The following GALNT13 variants were observed in gnomAD, a reference collection of about 807,000 sequenced individuals.
GALNT13 encodes UDP-GalNAc:polypeptide N-acetylgalactosaminyltransferase 13.
GALNT13 carries 28 observed loss-of-function variants against 64.2 expected under a neutral mutation model. The ratio of observed to expected loss-of-function variants is 0.44; its 90% confidence interval spans 0.32 to 0.60. The LOEUF is 0.60. GALNT13 is among the 20% of genes least tolerant of loss of function. The pLI is 0.05. For missense variants in GALNT13, 577 were observed against 669.8 expected, an observed-to-expected ratio of 0.86 and a Z score of 1.53; for synonymous variants, 214 against 224.6, an observed-to-expected ratio of 0.95 and a Z score of 0.42.
At chr2:153,896,081 A>ATATATTTTTTTTTT (rs1574065409) in intron 1 of GALNT13, among the ~76,000 whole-genome samples, 9 of 136,854 alleles carry the variant, frequency 6.6e-5, no homozygotes, top group African/African-American at 2.5e-4. Flanking sequence ...ATGATTTTAT[A>ATATATTTTTTTTTT]TTTTTATGTT....
chr2:154,176,259 A>ATTTT (rs1685645690), intron 4 of GALNT13, among the ~76,000 whole-genome samples: 1 of 146,518 alleles, frequency 6.8e-6, no homozygotes, highest in Non-Finnish European at 1.5e-5. Context: ...TTATTTATTT[A>ATTTT]TTTATTTATT....
At chr2:153,495,513 G>A in the GALNT13 span, among the ~76,000 whole-genome samples, 2 of 151,954 alleles carry the variant, frequency 1.3e-5, no homozygotes, top group Admixed American at 1.3e-4. Context: ...AGACATAAAT[G>A]TATAAACACA....
intron 3 of GALNT13, among the ~76,000 whole-genome samples, chr2:154,091,228 T>C (rs758173330): frequency 1.5e-4 from 23 of 151,974 alleles, no homozygotes; most frequent in Non-Finnish European, 2.9e-4. Flanking sequence ...CTGGATTATG[T>C]TATGTTGTAA....
At chr2:154,404,801 G>T (rs1699452594) in intron 10 of GALNT13, among the ~76,000 whole-genome samples, 1 of 152,010 alleles carries the variant, frequency 6.6e-6, no homozygotes, top group African/African-American at 2.4e-5. Context: ...TGAGGTAAAT[G>T]GGGTCAGGAG....
chr2:153,604,047 A>G, the GALNT13 span, among the ~76,000 whole-genome samples: 2 of 152,032 alleles, frequency 1.3e-5, no homozygotes, highest in Admixed American at 1.3e-4. Context: ...TTGATTCACC[A>G]TCAATGCATT....
At chr2:153,879,945 A>G (rs1260916131) in intron 1 of GALNT13, among the ~76,000 whole-genome samples, 1 of 152,220 alleles carries the variant, frequency 6.6e-6, no homozygotes, top group Non-Finnish European at 1.5e-5. Context: ...AGACCAAAAC[A>G]ATATTAATAA....
At chr2:153,194,631 G>T in the GALNT13 span, among the ~76,000 whole-genome samples, 1 of 152,150 alleles carries the variant, frequency 6.6e-6, no homozygotes, top group Non-Finnish European at 1.5e-5. Context: ...TCATTTGAAG[G>T]TGTCACATTT....
the GALNT13 span, among the ~76,000 whole-genome samples, chr2:153,143,730 C>T: frequency 6.6e-6 from 1 of 151,986 alleles, no homozygotes; most frequent in African/African-American, 2.4e-5. Flanking sequence ...ATTGTTTTCT[C>T]CTGTGCTGTA....
intron 9 of GALNT13, among the ~76,000 whole-genome samples, chr2:154,332,604 CT>C (rs1260284891): frequency 6.6e-6 from 1 of 152,058 alleles, no homozygotes; most frequent in African/African-American, 2.4e-5. Context: ...AGACACCTAC[CT>C]CTTCTAGTTT....
chr2:153,990,063 A>G (rs1192801899), intron 3 of GALNT13, among the ~76,000 whole-genome samples: 1 of 152,084 alleles, frequency 6.6e-6, no homozygotes, highest in Non-Finnish European at 1.5e-5. Flanking sequence ...CATTTATTGG[A>G]GGCAGCTTAT....
At chr2:153,171,415 A>C in the GALNT13 span, among the ~76,000 whole-genome samples, 2 of 152,210 alleles carry the variant, frequency 1.3e-5, no homozygotes, top group African/African-American at 4.8e-5. Context: ...ACATTAAATA[A>C]TTATTATTTA....
At chr2:154,399,876 T>C (rs552555909) in intron 10 of GALNT13, among the ~76,000 whole-genome samples, 1 of 152,308 alleles carries the variant, frequency 6.6e-6, no homozygotes, top group South Asian at 2.1e-4. Context: ...AAGTAAAAGA[T>C]GCCCTGCATG....
intron 9 of GALNT13, among the ~76,000 whole-genome samples, chr2:154,326,733 A>G (rs907222399): frequency 6.6e-6 from 1 of 152,144 alleles, no homozygotes; most frequent in African/African-American, 2.4e-5. Flanking sequence ...TTATTATCTT[A>G]AATAAGAACT....
intron 9 of GALNT13, among the ~76,000 whole-genome samples, chr2:154,346,147 A>C (rs1485892929): frequency 1.3e-5 from 2 of 151,976 alleles, no homozygotes; most frequent in Non-Finnish European, 2.9e-5. Flanking sequence ...CTCAGTTTTA[A>C]TATTATCTGT....
At chr2:153,647,975 T>C in the GALNT13 span, among the ~76,000 whole-genome samples, 7 of 152,182 alleles carry the variant, frequency 4.6e-5, no homozygotes, top group Non-Finnish European at 8.8e-5. Flanking sequence ...ATATGAACTT[T>C]AAAGTAGTTT....
the GALNT13 span, among the ~76,000 whole-genome samples, chr2:153,554,656 A>ATGTG: frequency 9.1e-3 from 1,338 of 146,238 alleles, 14 homozygotes; most frequent in East Asian, 0.053. Context: ...GATGCTGTAT[A>ATGTG]TGTGTGTGTG....
rs534683642 is a variant in GALNT13 at position 154,020,523 on chromosome 2, T to C, written c.142+75884T>C. ...CTTTTGAGAAGTGTCTGTTCATATC[T>C]TTCGCCCACTTTTTGATGGGGTTGT... On this transcript the variant is annotated intron_variant, in intron 3 of 12. Transcript: ENST00000392825. Among the ~76,000 whole-genome samples the C allele has an allele frequency of 7.6e-4, 116 of 152,228 alleles. No individual in the cohort carries two copies. In the East Asian group the frequency reaches 0.019, roughly 25 times the overall value.
At chr2:153,335,969 G>A in the GALNT13 span, among the ~76,000 whole-genome samples, 3 of 152,218 alleles carry the variant, frequency 2.0e-5, no homozygotes, top group African/African-American at 7.2e-5. Context: ...GGCCAATGTA[G>A]AGCTTGGGCT....
the GALNT13 span, among the ~76,000 whole-genome samples, chr2:153,496,835 G>A: frequency 9.2e-4 from 138 of 149,786 alleles, 1 homozygote; most frequent in Middle Eastern, 3.4e-3. Flanking sequence ...AAAATACAAA[G>A]AAAAAAAAAT....
Sources: allele counts gnomAD v4.1 joint callset (sites outside exome capture counted in the v4.1 genomes callset), GRCh38; gene constraint gnomAD v4.1.1; transcripts MANE v1.5; gene names NCBI Gene and HGNC (gene_info 2026-07-23, HGNC 2026-07-21).